Variants in ZNRF1 observed in about 807,000 individuals in gnomAD.
ZNRF1 encodes the protein zinc and ring finger 1.
Under a neutral mutation model 18.4 loss-of-function variants are expected in ZNRF1, and 3 were observed. The ratio of observed to expected loss-of-function variants is 0.16; its 90% confidence interval spans 0.07 to 0.42. The LOEUF is 0.42. ZNRF1 is among the 10% of genes least tolerant of loss of function. The pLI, the probability that ZNRF1 is intolerant of heterozygous loss-of-function variation, is 0.99. For missense variants in ZNRF1, 310 were observed against 329.8 expected (o/e 0.94, Z 0.47); for synonymous variants, 157 against 144.2 (o/e 1.09, Z -0.64).
chr16:75,070,003 C>T (rs927326227), intron 1 of ZNRF1, among the ~76,000 whole-genome samples: 1 of 152,208 alleles, frequency 6.6e-6, no homozygotes, highest in Non-Finnish European at 1.5e-5. Flanking sequence ...TCTCTGACTT[C>T]TAAGCTAATA....
At chr16:75,067,005 G>A (rs948225950) in intron 1 of ZNRF1, among the ~76,000 whole-genome samples, 2 of 152,152 alleles carry the variant, frequency 1.3e-5, no homozygotes, top group Non-Finnish European at 2.9e-5. Flanking sequence ...CCTCTCTTGA[G>A]GTTGCAGTCA....
chr16:75,068,487 A>C (rs1037225491), intron 1 of ZNRF1, among the ~76,000 whole-genome samples: 3 of 152,024 alleles, frequency 2.0e-5, no homozygotes, highest in Non-Finnish European at 4.4e-5. Context: ...CGGGAGTGGC[A>C]CTCTGATCCA....
At chr16:75,101,350 T>C (rs1458530012) in intron 2 of ZNRF1, among the ~76,000 whole-genome samples, 1 of 152,142 alleles carries the variant, frequency 6.6e-6, no homozygotes, top group Non-Finnish European at 1.5e-5. Flanking sequence ...GGTCAAGAGA[T>C]CAAGACCATC....
At chr16:75,100,696 A>G (rs936923323) in intron 2 of ZNRF1, among the ~76,000 whole-genome samples, 5 of 152,230 alleles carry the variant, frequency 3.3e-5, no homozygotes, top group African/African-American at 1.2e-4. Flanking sequence ...AGTAATTGCC[A>G]TGTTCCCAGG....
At chr16:75,096,918 A>G (rs1255159241) in intron 2 of ZNRF1, among the ~76,000 whole-genome samples, 1 of 152,120 alleles carries the variant, frequency 6.6e-6, no homozygotes, top group Non-Finnish European at 1.5e-5. Flanking sequence ...TGCTCCGAGG[A>G]CAGGCACCTG....
intron 1 of ZNRF1, among the ~76,000 whole-genome samples, chr16:75,087,099 T>C (rs889019944): frequency 5.9e-5 from 9 of 152,150 alleles, no homozygotes; most frequent in African/African-American, 2.2e-4. Context: ...CGAGTTGATA[T>C]TGCATGATAA....
At chr16:75,090,297 T>C (rs746763473) in intron 1 of ZNRF1, among the ~76,000 whole-genome samples, 15 of 152,182 alleles carry the variant, frequency 9.9e-5, no homozygotes, top group African/African-American at 2.4e-4. Context: ...CAGCCTGGTG[T>C]GTTTAGATCC....
chr16:75,051,856 T>C (rs945300952), intron 1 of ZNRF1, among the ~76,000 whole-genome samples: 2 of 152,222 alleles, frequency 1.3e-5, no homozygotes, highest in South Asian at 2.1e-4. Context: ...ATCACAAATC[T>C]ATTCATCTAT....
chr16:75,102,871 C>T (rs553186227), intron 2 of ZNRF1, among the ~76,000 whole-genome samples: 1 of 152,332 alleles, frequency 6.6e-6, no homozygotes, highest in African/African-American at 2.4e-5. Context: ...CTGCCCTCAT[C>T]CGCACACGCA....
intron 1 of ZNRF1, among the ~76,000 whole-genome samples, chr16:75,013,277 G>A (rs749714938): frequency 2.6e-5 from 4 of 152,028 alleles, no homozygotes; most frequent in Non-Finnish European, 4.4e-5. Context: ...CTCTTTACTT[G>A]AGGGCCCACA....
intron 1 of ZNRF1, 114 bp from the exon 2 acceptor site, chr16:75,093,458 G>T: frequency 1.3e-6 from 1 of 766,898 alleles, no homozygotes; most frequent in Non-Finnish European, 2.3e-6. Context: ...TGTTCTGATG[G>T]TCATCCTCCA....
At chr16:75,014,519 CTATT>C (rs1358335053) in intron 1 of ZNRF1, among the ~76,000 whole-genome samples, 1 of 152,094 alleles carries the variant, frequency 6.6e-6, no homozygotes, top group Non-Finnish European at 1.5e-5. Context: ...CTCTATTGAT[CTATT>C]TATTGATCTA....
At chr16:75,092,847 G>A (rs1315130602) in intron 1 of ZNRF1, among the ~76,000 whole-genome samples, 1 of 152,184 alleles carries the variant, frequency 6.6e-6, no homozygotes, top group Non-Finnish European at 1.5e-5. Flanking sequence ...TTCCTCCCAG[G>A]GTGATCCAAC....
At chr16:75,086,531 T>G (rs1384670897) in intron 1 of ZNRF1, among the ~76,000 whole-genome samples, 2 of 152,232 alleles carry the variant, frequency 1.3e-5, no homozygotes, top group African/African-American at 4.8e-5. Context: ...CTTATTTCTG[T>G]GTTGACAGAG....
intron 1 of ZNRF1, among the ~76,000 whole-genome samples, chr16:75,073,150 C>CTG (rs1567486916): frequency 6.6e-6 from 1 of 150,854 alleles, no homozygotes; most frequent in African/African-American, 2.4e-5. Context: ...CTCTCTCTCT[C>CTG]TCTGTCTCTC....
intron 1 of ZNRF1, among the ~76,000 whole-genome samples, chr16:75,080,201 C>A (rs9940669): frequency 6.6e-6 from 1 of 152,226 alleles, no homozygotes; most frequent in African/African-American, 2.4e-5. Context: ...TAGGCATGAG[C>A]CACCGTGCCT....
intron 1 of ZNRF1, chr16:75,084,543 G>T (rs1042793096): frequency 1.3e-5 from 2 of 152,122 alleles, no homozygotes; most frequent in African/African-American, 4.8e-5. Context: ...GAAGATGGTG[G>T]AATTTCATCT....
intron 1 of ZNRF1, among the ~76,000 whole-genome samples, chr16:75,084,938 C>T (rs1457447287): frequency 1.3e-5 from 2 of 152,160 alleles, no homozygotes; most frequent in African/African-American, 4.8e-5. Flanking sequence ...TGTTTCTGTT[C>T]ATTTCATTTT....
chr16:75,016,775 C>G (rs575157635), intron 1 of ZNRF1, among the ~76,000 whole-genome samples: 1 of 145,608 alleles, frequency 6.9e-6, no homozygotes, highest in African/African-American at 2.6e-5. Context: ...GAACTCCTGA[C>G]CTCAGGTGAT....
Sources: gnomAD v4.1 joint callset for allele counts (sites outside exome capture counted in the v4.1 genomes callset) on GRCh38, gnomAD v4.1.1 for gene constraint, MANE v1.5 for transcripts, NCBI Gene and HGNC (gene_info 2026-07-23, HGNC 2026-07-21) for gene names.